CDH11: variants seen among roughly 807,000 people sequenced by gnomAD.
The protein encoded by CDH11 is cadherin 11.
CDH11 carries 11 observed loss-of-function variants against 67.8 expected under a neutral mutation model. That is an observed-to-expected ratio of 0.16 (90% CI 0.10 to 0.27). The LOEUF is 0.27. CDH11 is among the 10% of genes least tolerant of loss of function. The pLI, the probability that CDH11 is intolerant of heterozygous loss-of-function variation, is 1.00. For synonymous variants in CDH11, 419 were observed against 400.0 expected (o/e 1.05, Z -0.57); for missense variants, 847 against 1,031.2 (o/e 0.82, Z 2.45).
At chr16:65,013,054 A>C (rs1197081602) in intron 2 of CDH11, among the ~76,000 whole-genome samples, 1 of 152,218 alleles carries the variant, frequency 6.6e-6, no homozygotes, top group Non-Finnish European at 1.5e-5. Flanking sequence ...AATAGCCTAT[A>C]AATGGTCTCC....
intron 1 of CDH11, among the ~76,000 whole-genome samples, chr16:65,068,920 T>C (rs1049705428): frequency 1.5e-4 from 23 of 152,186 alleles, no homozygotes; most frequent in African/African-American, 5.5e-4. Flanking sequence ...CAAAAATAAT[T>C]CTAATATTGA....
At position 64,997,554 on chromosome 16, in the gene CDH11, T is replaced by C. The variant is rs114882412; in HGVS notation, c.523+1008A>G. ...TGCTGTTTCCTCTGTATGGATTTAT[T>C]TGATATTTGTTGTTTCTCATTATAA... On this transcript the variant is annotated intron_variant, in intron 4 of 12. Transcript: ENST00000268603. Among the ~76,000 whole-genome samples, 512 of 152,188 alleles carry C rather than the reference T, an allele frequency of 3.4e-3. 2 individuals are homozygous for C. The highest frequency in any genetic ancestry group is 0.012 in the African/African-American group (497 of 41,512).
intron 1 of CDH11, among the ~76,000 whole-genome samples, chr16:65,069,786 C>T (rs2142763788): frequency 6.6e-6 from 1 of 152,244 alleles, no homozygotes; most frequent in African/African-American, 2.4e-5. Context: ...TAGCACAAAC[C>T]TTAGAAGGTT....
intron 1 of CDH11, among the ~76,000 whole-genome samples, chr16:65,077,464 T>A (rs896597685): frequency 1.3e-5 from 2 of 152,194 alleles, no homozygotes; most frequent in African/African-American, 4.8e-5. Flanking sequence ...CTAATAACCA[T>A]GGAGATGAGT....
intron 2 of CDH11, among the ~76,000 whole-genome samples, chr16:65,020,789 A>T (rs982408101): frequency 1.3e-5 from 2 of 152,118 alleles, no homozygotes; most frequent in East Asian, 1.9e-4. Flanking sequence ...CACACACAAC[A>T]AATACAAATA....
intron 6 of CDH11, 160 bp downstream of exon 6, chr16:64,991,608 T>A: frequency 1.9e-6 from 1 of 536,706 alleles, no homozygotes; most frequent in South Asian, 3.1e-5. Context: ...GTTGTTGTTG[T>A]TGTCTTGTTT....
Position 64,947,519 on chromosome 16 carries a change from T to G in CDH11, c.*84A>C. 1 of 1,517,948 alleles carries G rather than the reference T, an allele frequency of 6.6e-7. No individual in the cohort carries two copies. The highest frequency in any genetic ancestry group is 8.8e-7 in the Non-Finnish European group (1 of 1,136,574). The allele number at this position is 1,517,948 out of a possible 1,614,324, so 94.0% of individuals were successfully genotyped here. On this transcript the variant is annotated 3_prime_UTR_variant, in exon 13 of 13. Coordinates refer to ENST00000268603, the MANE Select transcript of CDH11 (RefSeq NM_001797.4). ...CTGTTTTAAATGAGCCTTTCCTTGATTTAAAAAAATACCTGTTTACACATC... is the reference window on the plus strand; with the variant it reads ...CTGTTTTAAATGAGCCTTTCCTTGAGTTAAAAAAATACCTGTTTACACATC...
At chr16:65,048,588 T>C (rs1284906246) in intron 2 of CDH11, among the ~76,000 whole-genome samples, 2 of 152,044 alleles carry the variant, frequency 1.3e-5, no homozygotes, top group Non-Finnish European at 2.9e-5. Context: ...TATATATGTG[T>C]ATATATGTGC....
intron 3 of CDH11, among the ~76,000 whole-genome samples, chr16:65,003,796 G>T (rs2072981834): frequency 1.3e-5 from 2 of 152,068 alleles, no homozygotes; most frequent in South Asian, 2.1e-4. Context: ...CCAAGCTTCT[G>T]GTACATATTC....
intron 2 of CDH11, among the ~76,000 whole-genome samples, chr16:65,042,849 A>C (rs1009136581): frequency 6.6e-6 from 1 of 152,184 alleles, no homozygotes; most frequent in Non-Finnish European, 1.5e-5. Context: ...CAGACATTCC[A>C]GCCCCTGTTC....
chr16:65,051,231 A>T (rs1220579363), intron 2 of CDH11, among the ~76,000 whole-genome samples: 1 of 152,050 alleles, frequency 6.6e-6, no homozygotes, highest in Non-Finnish European at 1.5e-5. Flanking sequence ...AGAGGTGGGG[A>T]CTCCTCACGT....
At chr16:65,020,914 T>C (rs1046395650) in intron 2 of CDH11, among the ~76,000 whole-genome samples, 17 of 152,046 alleles carry the variant, frequency 1.1e-4, no homozygotes, top group African/African-American at 4.1e-4. Context: ...CAGGAAAGCA[T>C]GCAATTTCTA....
rs113299544 is a variant in CDH11 at position 65,045,046 on chromosome 16, C to T, written c.-173+8758G>A. Reference sequence around the variant, plus strand: ...GCTGGCACGGCAGGGACGTGTGCTCCGGCTGAAACCACTAGCAAGATAAAA... The same window carrying T: ...GCTGGCACGGCAGGGACGTGTGCTCTGGCTGAAACCACTAGCAAGATAAAA... On this transcript the variant is annotated intron_variant, in intron 2 of 12. Coordinates refer to ENST00000268603, the MANE Select transcript of CDH11 (RefSeq NM_001797.4). Among the ~76,000 whole-genome samples the T allele has an allele frequency of 5.6e-3, 853 of 151,840 alleles. 11 individuals carry two copies. Among genetic ancestry groups the T allele is most frequent in the African/African-American group, 0.019 (788 of 41,396 alleles).
Position 64,988,147 on chromosome 16 carries a change from C to T in CDH11, c.999+10G>A, listed in dbSNP as rs200132566. The T allele has an allele frequency of 1.4e-4, 227 of 1,599,264 alleles. No homozygotes were observed. The highest frequency in any genetic ancestry group is 1.9e-4 in the Non-Finnish European group (220 of 1,171,986). On this transcript the variant is annotated intron_variant, in intron 7 of 12. Coordinates refer to ENST00000268603, the MANE Select transcript of CDH11 (RefSeq NM_001797.4). ...ACCACTGACACGTCTGATTCCTTAC[C>T]CTAACTCACCTTTTTCAGCTTTATC...
intron 1 of CDH11, among the ~76,000 whole-genome samples, chr16:65,084,073 A>G (rs752561432): frequency 6.6e-6 from 1 of 152,252 alleles, no homozygotes; most frequent in South Asian, 2.1e-4. Context: ...CCCACAGTCA[A>G]GAATTGTCCT....
At chr16:65,104,682 T>C (rs1377135247) in intron 1 of CDH11, among the ~76,000 whole-genome samples, 3 of 152,210 alleles carry the variant, frequency 2.0e-5, no homozygotes, top group Non-Finnish European at 2.9e-5. Context: ...TAGTCTTTTA[T>C]GGCTCTCCTG....
chr16:65,013,869 C>A (rs2073235912), intron 2 of CDH11, among the ~76,000 whole-genome samples: 2 of 151,764 alleles, frequency 1.3e-5, no homozygotes, highest in Non-Finnish European at 2.9e-5. Flanking sequence ...TAGGACCAGT[C>A]TCAAAGGGAG....
Position 65,029,391 on chromosome 16 carries a change from C to A in CDH11, c.-172-24350G>T, listed in dbSNP as rs529684120. On this transcript the variant is annotated intron_variant, in intron 2 of 12. Transcript: ENST00000268603. ...TCGAACATATTTTAAGAAGAAAAGT[C>A]TCTTTCAAATAATTACAAATTAAAA... is the stretch of plus-strand genomic sequence containing the variant. Among the ~76,000 whole-genome samples the A allele has an allele frequency of 3.3e-5, 5 of 152,220 alleles. No homozygotes were observed. In the East Asian group the frequency reaches 9.7e-4, roughly 29 times the overall value.
At chr16:65,046,546 A>T (rs187241700) in intron 2 of CDH11, among the ~76,000 whole-genome samples, 7 of 152,338 alleles carry the variant, frequency 4.6e-5, no homozygotes, top group Non-Finnish European at 1.0e-4. Flanking sequence ...CAGTAAATCA[A>T]TGCTGGGGAG....
Sources: allele counts gnomAD v4.1 joint callset (sites outside exome capture counted in the v4.1 genomes callset), GRCh38; gene constraint gnomAD v4.1.1; transcripts MANE v1.5; gene names NCBI Gene and HGNC (gene_info 2026-07-23, HGNC 2026-07-21).